Variants in MACROD2 observed in about 807,000 individuals in gnomAD.
The protein encoded by MACROD2 is mono-ADP ribosylhydrolase 2.
A neutral mutation model predicts 70.4 loss-of-function variants in MACROD2; 36 were observed. The ratio of observed to expected loss-of-function variants is 0.51; its 90% CI spans 0.39 to 0.68. The LOEUF (loss-of-function observed/expected upper bound fraction) is 0.68, where lower values mean the gene tolerates loss of function less well. MACROD2 is among the 30% of genes least tolerant of loss of function. The pLI is 0.00. For missense variants in MACROD2, 496 were observed against 538.4 expected (o/e 0.92, Z 0.78); for synonymous variants, 172 against 178.8 (o/e 0.96, Z 0.30).
chr20:15,732,444 C>G (rs1250470515), intron 8 of MACROD2, among the ~76,000 whole-genome samples: 1 of 152,224 alleles, frequency 6.6e-6, no homozygotes, highest in Non-Finnish European at 1.5e-5. Context: ...TATTCTTTAT[C>G]AAGGTCCGAT....
rs567617875 is a variant in MACROD2, at chr20:14,634,784, C to G, written c.302-50059C>G. 2.6e-5 allele frequency among the ~76,000 whole-genome samples: 4 copies of G among 152,318 alleles called. No homozygotes were observed. In the South Asian group the frequency reaches 6.2e-4, roughly 24 times the overall value. On this transcript the variant is annotated intron_variant, in intron 4 of 17. Transcript: ENST00000684519. ...TAAAAGTAAAAACCCTGGACCTGCT[C>G]TCTCTCTTTCATCTGAAATTATGTG...
intron 5 of MACROD2, among the ~76,000 whole-genome samples, chr20:15,040,435 C>G (rs1430137858): frequency 6.6e-6 from 1 of 152,132 alleles, no homozygotes; most frequent in African/African-American, 2.4e-5. Context: ...TTTACTCTCT[C>G]TCCATTCCCC....
chr20:14,281,900 A>G (rs2082309286), intron 3 of MACROD2, among the ~76,000 whole-genome samples: 1 of 141,512 alleles, frequency 7.1e-6, no homozygotes, highest in Non-Finnish European at 1.5e-5. Context: ...CCACCACAGC[A>G]CTCCAGCCTT....
chr20:15,916,569 C>T (rs1432743329), intron 10 of MACROD2, among the ~76,000 whole-genome samples: 2 of 152,182 alleles, frequency 1.3e-5, no homozygotes, highest in East Asian at 3.9e-4. Context: ...GTTTCTTGTT[C>T]CAAGACTTCC....
intron 3 of MACROD2, among the ~76,000 whole-genome samples, chr20:14,487,828 T>A (rs2084752835): frequency 6.6e-6 from 1 of 152,220 alleles, no homozygotes; most frequent in African/African-American, 2.4e-5. Flanking sequence ...TTATTAAGAC[T>A]GAGAATTATT....
intron 4 of MACROD2, among the ~76,000 whole-genome samples, chr20:14,623,402 G>A (rs532586687): frequency 8.5e-5 from 13 of 152,268 alleles, no homozygotes; most frequent in Admixed American, 3.9e-4. Flanking sequence ...GTTTATGAAC[G>A]TGGGATCACT....
chr20:15,729,729 T>G (rs1383289038), intron 8 of MACROD2, among the ~76,000 whole-genome samples: 1 of 151,990 alleles, frequency 6.6e-6, no homozygotes. Flanking sequence ...TTTTCTGTTT[T>G]CCATTTGCTT....
At chr20:14,310,479 G>A (rs898179124) in intron 3 of MACROD2, among the ~76,000 whole-genome samples, 12 of 152,124 alleles carry the variant, frequency 7.9e-5, no homozygotes, top group Admixed American at 3.9e-4. Flanking sequence ...CAGTACTCGC[G>A]TATTTGTGGT....
chr20:14,536,519 A>G (rs1280653160), intron 4 of MACROD2, among the ~76,000 whole-genome samples: 1 of 152,142 alleles, frequency 6.6e-6, no homozygotes. Context: ...ATAAGTATTA[A>G]CATGGTTAAA....
At chr20:15,078,162 G>A (rs907148680) in intron 5 of MACROD2, among the ~76,000 whole-genome samples, 13 of 152,130 alleles carry the variant, frequency 8.5e-5, no homozygotes, top group African/African-American at 2.7e-4. Flanking sequence ...CCAAGAGGTG[G>A]AGCAGAAAAC....
intron 8 of MACROD2, among the ~76,000 whole-genome samples, chr20:15,514,382 A>G (rs1202396149): frequency 6.6e-6 from 1 of 152,144 alleles, no homozygotes; most frequent in East Asian, 1.9e-4. Context: ...TTTCTACTAT[A>G]CTTTTACTGT....
Position 14,865,211 on chromosome 20 carries a change from T to C in MACROD2, c.418+180252T>C, listed in dbSNP as rs147630608. On this transcript the variant is annotated intron_variant, in intron 5 of 17. Transcript: ENST00000684519. Reference sequence around the variant, plus strand: ...GCAGAAGAAAGGAGAAGCCAGGGAATTTCTGCCTTGGCAACGTCTCTGCCT... The same window carrying C: ...GCAGAAGAAAGGAGAAGCCAGGGAACTTCTGCCTTGGCAACGTCTCTGCCT... Among the ~76,000 whole-genome samples the C allele has an allele frequency of 3.1e-3, 478 of 152,190 alleles. 4 individuals are homozygous for C. The highest frequency in any genetic ancestry group is 0.011 in the African/African-American group (442 of 41,524).
intron 5 of MACROD2, among the ~76,000 whole-genome samples, chr20:14,831,292 G>A (rs979226577): frequency 6.6e-6 from 1 of 152,100 alleles, no homozygotes; most frequent in Non-Finnish European, 1.5e-5. Flanking sequence ...CTGAATGAAC[G>A]TATGCATTTG....
At chr20:15,806,676 A>C (rs1418510637) in intron 8 of MACROD2, among the ~76,000 whole-genome samples, 3 of 152,142 alleles carry the variant, frequency 2.0e-5, no homozygotes, top group Non-Finnish European at 4.4e-5. Flanking sequence ...TACTATTTTA[A>C]TTTTGCTTTT....
intron 6 of MACROD2, among the ~76,000 whole-genome samples, chr20:15,415,924 A>C (rs932035061): frequency 4.6e-5 from 7 of 152,190 alleles, no homozygotes. Context: ...GCAAAACCAA[A>C]TCTTCTCATC....
intron 5 of MACROD2, among the ~76,000 whole-genome samples, chr20:14,823,537 C>T (rs1487531151): frequency 6.6e-6 from 1 of 152,044 alleles, no homozygotes; most frequent in African/African-American, 2.4e-5. Flanking sequence ...TTCAAGACTG[C>T]TGCTAGATTA....
intron 3 of MACROD2, among the ~76,000 whole-genome samples, chr20:14,271,708 G>T (rs531917878): frequency 3.7e-4 from 56 of 152,286 alleles, no homozygotes; most frequent in African/African-American, 1.2e-3. Context: ...GCTACAGGAG[G>T]AAATTCAAAC....
At chr20:15,669,930 G>C (rs1024362738) in intron 8 of MACROD2, among the ~76,000 whole-genome samples, 1 of 152,168 alleles carries the variant, frequency 6.6e-6, no homozygotes, top group African/African-American at 2.4e-5. Context: ...CAGGCATGGT[G>C]CTGTGTGTTT....
At chr20:15,293,243 T>C (rs369482773) in intron 6 of MACROD2, among the ~76,000 whole-genome samples, 54 of 152,374 alleles carry the variant, frequency 3.5e-4, no homozygotes, top group African/African-American at 1.3e-3. Flanking sequence ...ATTCGTCATA[T>C]GCAATGATTT....
Sources: allele counts gnomAD v4.1 joint callset (sites outside exome capture counted in the v4.1 genomes callset), GRCh38; gene constraint gnomAD v4.1.1; transcripts MANE v1.5; gene names NCBI Gene and HGNC (gene_info 2026-07-23, HGNC 2026-07-21).